The following CD274 variants were observed in gnomAD, a reference collection of about 807,000 sequenced individuals.
The protein encoded by CD274 is programmed cell death 1 ligand 1.
In CD274, 8 loss-of-function variants were observed where a neutral mutation model predicts 30.1. The observed-to-expected ratio is 0.27, with a 90% CI of 0.16 to 0.48. The LOEUF (loss-of-function observed/expected upper bound fraction) is 0.48. CD274 is among the 20% of genes least tolerant of loss of function. CD274 has a pLI of 0.99. For synonymous variants in CD274, 152 were observed against 124.6 expected, an observed-to-expected ratio of 1.22 and a Z score of -1.46; for missense variants, 353 against 346.6, an observed-to-expected ratio of 1.02 and a Z score of -0.15.
intron 1 of CD274, among the ~76,000 whole-genome samples, chr9:5,453,649 G>A (rs1819247011): frequency 6.6e-6 from 1 of 152,188 alleles, no homozygotes; most frequent in Admixed American, 6.5e-5. Context: ...TATGCCATAA[G>A]CTTTAATGAA....
intron 6 of CD274, among the ~76,000 whole-genome samples, chr9:5,467,628 G>A (rs373791384): frequency 1.3e-5 from 2 of 152,090 alleles, no homozygotes; most frequent in Non-Finnish European, 2.9e-5. Context: ...GTCATGCTGG[G>A]GGACAAGCCA....
intron 3 of CD274, among the ~76,000 whole-genome samples, chr9:5,462,233 G>A (rs1819417231): frequency 6.6e-6 from 1 of 152,088 alleles, no homozygotes; most frequent in Non-Finnish European, 1.5e-5. Context: ...CTTCAAATCA[G>A]AAAAGTGAAT....
Position 5,465,584 on chromosome 9 carries a change from A to G in CD274, c.768A>G (p.Thr256=). ...AILLCLGVAL[T]FIFRLRKGRM... ...TATTATGCCTTGGTGTAGCACTGAC[A>G]TTCATCTTCCGTTTAAGAAAAGGTA... Residue 256 remains threonine, a synonymous_variant, in exon 5 of 7, where the codon ACA becomes ACG. Coordinates refer to ENST00000381577, the MANE Select transcript of CD274 (RefSeq NM_014143.4). 6.3e-7 allele frequency: 1 copy of G among 1,599,976 alleles called. No homozygotes were observed. The highest frequency in any genetic ancestry group is 8.6e-7 in the Non-Finnish European group (1 of 1,167,258).
At chr9:5,466,668 G>A in intron 5 of CD274, 102 bp from the exon 6 acceptor site, 1 of 828,894 alleles carries the variant, frequency 1.2e-6, no homozygotes, top group Admixed American at 2.2e-5. Flanking sequence ...AGACTTCCTA[G>A]GGATTACAAA....
chr9:5,460,718 TC>T (rs1819389107), intron 3 of CD274, among the ~76,000 whole-genome samples: 1 of 152,190 alleles, frequency 6.6e-6, no homozygotes, highest in Admixed American at 6.5e-5. Flanking sequence ...TATGTTGACT[TC>T]AAAACTATCA....
At chr9:5,456,601 G>A (rs903811733) in intron 2 of CD274, among the ~76,000 whole-genome samples, 2 of 152,222 alleles carry the variant, frequency 1.3e-5, no homozygotes, top group Admixed American at 1.3e-4. Context: ...CACAGTACTG[G>A]CATCACCCTG....
Position 5,469,910 on chromosome 9 carries a change from G to T in CD274, c.*2048G>T. ...TGTCAAGTATAAACTTCACTTTGAT[G>T]CTGTACTTGCAAAATCACATTTTCT... On this transcript the variant is annotated 3_prime_UTR_variant, in exon 7 of 7. Coordinates refer to ENST00000381577, the MANE Select transcript of CD274 (RefSeq NM_014143.4). 1 of 233,160 alleles carries T rather than the reference G, an allele frequency of 4.3e-6. No individual in the cohort carries two copies. The highest frequency in any genetic ancestry group is 8.5e-6 in the Non-Finnish European group (1 of 117,956). 14.4% of individuals were successfully genotyped at this position (233,160 alleles called of 1,614,324 possible).
chr9:5,453,506 T>C (rs1211749660), intron 1 of CD274, among the ~76,000 whole-genome samples: 1 of 152,146 alleles, frequency 6.6e-6, no homozygotes, highest in Non-Finnish European at 1.5e-5. Flanking sequence ...AACGAATATT[T>C]GCTGAACACA....
chr9:5,462,744 T>C (rs146545701), intron 3 of CD274, 90 bp from the exon 4 acceptor site: 105 of 1,246,530 alleles, frequency 8.4e-5, no homozygotes, highest in Non-Finnish European at 1.1e-4. Context: ...CCAGCCTGCA[T>C]TGATACTCTT....
At chr9:5,454,121 T>C (rs1476176302) in intron 1 of CD274, among the ~76,000 whole-genome samples, 1 of 152,252 alleles carries the variant, frequency 6.6e-6, no homozygotes. Context: ...CTTTCCATTA[T>C]ATCACTTGGT....
intron 2 of CD274, 97 bp downstream of exon 2, chr9:5,456,262 T>A: frequency 2.6e-6 from 2 of 760,482 alleles, no homozygotes; most frequent in Non-Finnish European, 2.3e-6. Context: ...GCAATTTTCT[T>A]ATAGAGAGAA....
Position 5,463,079 on chromosome 9 carries a change from T to C in CD274, c.640T>C (p.Leu214=), listed in dbSNP as rs1302075361. 6.2e-7 allele frequency: 1 copy of C among 1,613,940 alleles called. No homozygotes were observed. Among genetic ancestry groups the C allele is most frequent in the Admixed American group, 1.7e-5 (1 of 60,008 alleles). The change falls in exon 4 of 7, where the codon TTA becomes CTA. Residue 214 remains leucine, a synonymous_variant. Coordinates refer to ENST00000381577, the MANE Select transcript of CD274 (RefSeq NM_014143.4). Reference sequence around the variant, plus strand: ...GATTTTCTACTGCACTTTTAGGAGATTAGATCCTGAGGAAAACCATACAGC... The same window carrying C: ...GATTTTCTACTGCACTTTTAGGAGACTAGATCCTGAGGAAAACCATACAGC... The part of the protein sequence containing the change: ...NEIFYCTFRR[L]DPEENHTAEL...
chr9:5,469,507 A>T lies in CD274; in HGVS notation c.*1645A>T. Reference sequence around the variant, plus strand: ...ACGTATTTTTAAAATTTTTTTCCTAAATAGTAACACATTGTATGTCTGCTG... The same window carrying T: ...ACGTATTTTTAAAATTTTTTTCCTATATAGTAACACATTGTATGTCTGCTG... On this transcript the variant is annotated 3_prime_UTR_variant, in exon 7 of 7. Transcript: ENST00000381577. 4.3e-6 allele frequency: 1 copy of T among 231,166 alleles called. No individual in the cohort carries two copies. Among genetic ancestry groups the T allele is most frequent in the Admixed American group, 5.6e-5 (1 of 17,732 alleles). The allele number at this position is 231,166 out of a possible 1,614,324, so 14.3% of individuals were successfully genotyped here.
chr9:5,463,222 T>C (rs1386810797), intron 4 of CD274, 101 bp downstream of exon 4: 4 of 863,142 alleles, frequency 4.6e-6, no homozygotes, highest in Non-Finnish European at 7.5e-6. Context: ...GTTGAATAAA[T>C]GAATGAATGA....
intron 1 of CD274, among the ~76,000 whole-genome samples, 199 bp downstream of exon 1, chr9:5,450,795 C>G (rs1819188812): frequency 6.6e-6 from 1 of 152,216 alleles, no homozygotes; most frequent in African/African-American, 2.4e-5. Flanking sequence ...TCTGGCCTTC[C>G]TCCAGGCGCG....
In CD274 at chr9:5,469,098, G is replaced by C. The variant is rs1012936879; in HGVS notation, c.*1236G>C. On this transcript the variant is annotated 3_prime_UTR_variant, in exon 7 of 7. Transcript: ENST00000381577. ...AGGCCAATGTGGTCTGGGACGGTTG[G>C]ATATACTTAAACATCTTAATAATCA... is the stretch of plus-strand genomic sequence containing the variant. 1.7e-5 allele frequency: 4 copies of C among 232,944 alleles called. No homozygotes were observed. The highest frequency in any genetic ancestry group is 2.5e-5 in the Non-Finnish European group (3 of 117,940). 14.4% of individuals were successfully genotyped at this position (232,944 alleles called of 1,614,324 possible). A position where few individuals can be genotyped will look rare whatever the true frequency, so the allele number is the denominator to read the frequency against.
Position 5,467,788 on chromosome 9 carries a change from T to C in CD274, c.851-52T>C, listed in dbSNP as rs370326420. The stretch of plus-strand genomic sequence containing the variant: ...TGTTTTTTATTAGATTTCTTGTTAC[T>C]TTTTCCCCAGACCACTTCCCATGAA... On this transcript the variant is annotated intron_variant, in intron 6 of 6. Transcript: ENST00000381577. 5.6e-6 allele frequency: 8 copies of C among 1,436,350 alleles called. No homozygotes were observed. In the African/African-American group the frequency reaches 5.6e-5, roughly 10 times the overall value. 89.0% of individuals were successfully genotyped at this position (1,436,350 alleles called of 1,614,324 possible). A position where few individuals can be genotyped will look rare whatever the true frequency, so the allele number is the denominator to read the frequency against.
intron 3 of CD274, among the ~76,000 whole-genome samples, chr9:5,461,021 CA>C (rs2131219521): frequency 6.6e-6 from 1 of 152,204 alleles, no homozygotes; most frequent in East Asian, 1.9e-4. Flanking sequence ...ATTTAATAAA[CA>C]ATATTTTCAG....
intron 1 of CD274, among the ~76,000 whole-genome samples, chr9:5,453,245 C>G (rs1033002897): frequency 3.3e-5 from 5 of 152,050 alleles, no homozygotes; most frequent in Non-Finnish European, 7.4e-5. Context: ...ACCTTTTTAT[C>G]TTTTAACATG....
Sources: gnomAD v4.1 joint callset for allele counts (sites outside exome capture counted in the v4.1 genomes callset) on GRCh38, gnomAD v4.1.1 for gene constraint, MANE v1.5 for transcripts, NCBI Gene and HGNC (gene_info 2026-07-23, HGNC 2026-07-21) for gene names.